CTNNA2: variants seen among roughly 807,000 people sequenced by gnomAD.
CTNNA2 encodes the protein catenin alpha-2.
In CTNNA2, 42 loss-of-function variants were observed where a neutral mutation model predicts 101.0. That is an observed-to-expected ratio of 0.42 (90% confidence interval 0.32 to 0.54). CTNNA2 has a LOEUF of 0.54. CTNNA2 is among the 20% of genes least tolerant of loss of function. The probability of loss-of-function intolerance (pLI) is 0.14; values close to 1 mark genes in which losing one functional copy is unlikely to be tolerated. For missense variants in CTNNA2, 871 were observed against 1,223.1 expected, an observed-to-expected ratio of 0.71 and a Z score of 4.29; for synonymous variants, 450 against 456.4, an observed-to-expected ratio of 0.99 and a Z score of 0.18.
chr2:80,593,563 A>G (rs1051078260), intron 15 of CTNNA2, among the ~76,000 whole-genome samples: 3 of 152,272 alleles, frequency 2.0e-5, no homozygotes, highest in Admixed American at 6.5e-5. Flanking sequence ...GGCATTCAGT[A>G]CATTTACACT....
At chr2:80,625,795 A>T (rs535763761) in intron 18 of CTNNA2, among the ~76,000 whole-genome samples, 2 of 152,232 alleles carry the variant, frequency 1.3e-5, no homozygotes, top group Admixed American at 1.3e-4. Context: ...ATGTGAAAGC[A>T]TCTGACTTCA....
intron 4 of CTNNA2, among the ~76,000 whole-genome samples, chr2:79,448,760 A>T (rs1209078781): frequency 6.6e-6 from 1 of 152,040 alleles, no homozygotes; most frequent in Non-Finnish European, 1.5e-5. Flanking sequence ...CTGCTCAAAG[A>T]CACATATAGT....
At chr2:80,141,855 A>ATTT (rs34748982) in intron 7 of CTNNA2, among the ~76,000 whole-genome samples, 1 of 143,486 alleles carries the variant, frequency 7.0e-6, no homozygotes. Context: ...TAAAGATAGC[A>ATTT]TTTTTTTTTT....
intron 9 of CTNNA2, among the ~76,000 whole-genome samples, chr2:80,472,396 C>T (rs536981594): frequency 6.6e-6 from 1 of 152,226 alleles, no homozygotes; most frequent in African/African-American, 2.4e-5. Flanking sequence ...GAGAAGGTGC[C>T]ACATTACTCA....
chr2:79,368,575 T>TC (rs1192708530), intron 3 of CTNNA2, among the ~76,000 whole-genome samples: 1 of 152,168 alleles, frequency 6.6e-6, no homozygotes, highest in Non-Finnish European at 1.5e-5. Flanking sequence ...CACTGATGCT[T>TC]CCCCCGAACC....
chr2:80,185,679 T>G (rs772497463), intron 7 of CTNNA2, among the ~76,000 whole-genome samples: 17 of 152,158 alleles, frequency 1.1e-4, no homozygotes, highest in Non-Finnish European at 2.1e-4. Flanking sequence ...GGTGAGTCCT[T>G]TTTGTTAAAG....
chr2:79,775,922 C>G (rs1166089213), intron 3 of CTNNA2, among the ~76,000 whole-genome samples: 1 of 152,166 alleles, frequency 6.6e-6, no homozygotes, highest in Admixed American at 6.5e-5. Context: ...TACTTGAACT[C>G]TTAACTCACA....
At chr2:79,774,829 A>G (rs911509736) in intron 3 of CTNNA2, among the ~76,000 whole-genome samples, 3 of 152,168 alleles carry the variant, frequency 2.0e-5, no homozygotes, top group African/African-American at 7.2e-5. Flanking sequence ...CACCCCACTT[A>G]CCAGGAAAGG....
At chr2:80,524,617 CA>C (rs1689864961) in intron 9 of CTNNA2, among the ~76,000 whole-genome samples, 1 of 152,186 alleles carries the variant, frequency 6.6e-6, no homozygotes, top group Non-Finnish European at 1.5e-5. Context: ...TCTCTTTGGC[CA>C]TGGCTCACAT....
intron 2 of CTNNA2, among the ~76,000 whole-genome samples, chr2:79,309,946 T>G (rs1432838305): frequency 1.3e-5 from 2 of 152,202 alleles, no homozygotes; most frequent in Non-Finnish European, 2.9e-5. Flanking sequence ...TTTTTATTAG[T>G]CAATTGCTTT....
At chr2:79,628,936 C>A (rs1313536392) in intron 1 of CTNNA2, among the ~76,000 whole-genome samples, 1 of 152,176 alleles carries the variant, frequency 6.6e-6, no homozygotes, top group Non-Finnish European at 1.5e-5. Flanking sequence ...GCACTGTACA[C>A]TGTGGAGGAC....
chr2:79,584,896 G>A (rs868543894), intron 1 of CTNNA2, among the ~76,000 whole-genome samples: 12 of 152,228 alleles, frequency 7.9e-5, no homozygotes, highest in African/African-American at 2.2e-4. Flanking sequence ...ATAGACATCC[G>A]GAACAATTTT....
chr2:79,361,710 G>A (rs1677633765), intron 3 of CTNNA2, among the ~76,000 whole-genome samples: 1 of 152,112 alleles, frequency 6.6e-6, no homozygotes, highest in Non-Finnish European at 1.5e-5. Flanking sequence ...TTTGCAAGTT[G>A]AGGAGCAAGG....
chr2:79,977,256 ACT>A (rs1553419407), intron 7 of CTNNA2, among the ~76,000 whole-genome samples: 2 of 151,164 alleles, frequency 1.3e-5, no homozygotes, highest in African/African-American at 4.9e-5. Context: ...ACACACACAC[ACT>A]GGTTCTCACT....
chr2:79,621,207 C>T (rs1416260719), intron 1 of CTNNA2, among the ~76,000 whole-genome samples: 3 of 152,098 alleles, frequency 2.0e-5, no homozygotes, highest in Non-Finnish European at 4.4e-5. Context: ...GCAAGTTAGT[C>T]TACACACATG....
chr2:80,640,682 G>C (rs181269925), intron 18 of CTNNA2, among the ~76,000 whole-genome samples: 1 of 152,184 alleles, frequency 6.6e-6, no homozygotes. Context: ...TTTAAAACAT[G>C]AAATGTTCTT....
chr2:79,260,254 T>C lies in CTNNA2; in HGVS notation c.-405-52455T>C, dbSNP rs1267969261. ...AGCTCAAGGAAGTGTTCTCCCACGG[T>C]CTCTCTCCCACTCAATAGCTCCCTC... On this transcript the variant is annotated intron_variant, in intron 2 of 21. Transcript: ENST00000466387. 3.3e-5 allele frequency among the ~76,000 whole-genome samples: 5 copies of C among 152,060 alleles called. No individual in the cohort carries two copies. In the South Asian group the frequency reaches 1.0e-3, roughly 32 times the overall value.
In CTNNA2 at chr2:79,338,245, C is replaced by CAAAAAAAAAAAAAAAAAAAA. The variant is rs59474388; in HGVS notation, c.-318+25461_-318+25462insAAAAAAAAAAAAAAAAAAAA. ...TGGGTGACAGAACCAGACTCCATCT[C>CAAAAAAAAAAAAAAAAAAAA]AAAAAAAAAAAATTGGTAGTCAGGC... On this transcript the variant is annotated intron_variant, in intron 3 of 21. Coordinates refer to the CTNNA2 transcript ENST00000466387. 2.7e-5 allele frequency among the ~76,000 whole-genome samples: 3 copies of CAAAAAAAAAAAAAAAAAAAA among 109,242 alleles called. 1 individual carries two copies. The highest frequency in any genetic ancestry group is 1.8e-5 in the Non-Finnish European group (1 of 56,214). The allele number at this position is 109,242 out of a possible 152,430, so 71.7% of individuals were successfully genotyped here.
intron 2 of CTNNA2, among the ~76,000 whole-genome samples, chr2:79,231,476 T>G (rs1219402658): frequency 6.6e-6 from 1 of 152,202 alleles, no homozygotes; most frequent in African/African-American, 2.4e-5. Flanking sequence ...TTATTTCTTT[T>G]GCCAATTGCC....
Sources: gnomAD v4.1 joint callset for allele counts (sites outside exome capture counted in the v4.1 genomes callset) on GRCh38, gnomAD v4.1.1 for gene constraint, MANE v1.5 for transcripts, NCBI Gene and HGNC (gene_info 2026-07-23, HGNC 2026-07-21) for gene names.